The following PTPRD variants were observed in gnomAD, a reference collection of about 807,000 sequenced individuals.
PTPRD encodes receptor-type tyrosine-protein phosphatase delta.
A neutral mutation model predicts 214.5 loss-of-function variants in PTPRD; 34 were observed. The ratio of observed to expected loss-of-function variants is 0.16; its 90% CI spans 0.12 to 0.21. The LOEUF (loss-of-function observed/expected upper bound fraction) is 0.21, where lower values mean the gene tolerates loss of function less well. PTPRD is among the 10% of genes least tolerant of loss of function. The pLI is 1.00. For synonymous variants in PTPRD, 1,128 were observed against 845.7 expected, an observed-to-expected ratio of 1.33 and a Z score of -5.79; for missense variants, 2,545 against 2,398.7, an observed-to-expected ratio of 1.06 and a Z score of -1.27.
intron 35 of PTPRD, among the ~76,000 whole-genome samples, chr9:8,412,898 A>G (rs1414212830): frequency 6.6e-6 from 1 of 152,196 alleles, no homozygotes; most frequent in Admixed American, 6.5e-5. Context: ...ATTTCATATA[A>G]TAGAAACTTG....
At chr9:9,665,747 G>A (rs1184630335) in intron 7 of PTPRD, among the ~76,000 whole-genome samples, 2 of 151,770 alleles carry the variant, frequency 1.3e-5, no homozygotes, top group Non-Finnish European at 2.9e-5. Flanking sequence ...ATGTAAAAGT[G>A]AAGTCTTCAA....
At chr9:9,222,356 T>C (rs1303587894) in intron 9 of PTPRD, among the ~76,000 whole-genome samples, 1 of 152,054 alleles carries the variant, frequency 6.6e-6, no homozygotes, top group Non-Finnish European at 1.5e-5. Context: ...AAAATGGCAT[T>C]ATTTTTGAAA....
chr9:10,315,072 C>G (rs2096385508), intron 3 of PTPRD, among the ~76,000 whole-genome samples: 1 of 151,804 alleles, frequency 6.6e-6, no homozygotes, highest in Non-Finnish European at 1.5e-5. Flanking sequence ...AGAGAAATAG[C>G]AAGTTGACAT....
chr9:9,438,088 T>C (rs1444166881), intron 8 of PTPRD, among the ~76,000 whole-genome samples: 1 of 152,194 alleles, frequency 6.6e-6, no homozygotes, highest in African/African-American at 2.4e-5. Flanking sequence ...CTCTGTATCC[T>C]AATGTCCTCT....
chr9:8,742,890 G>A (rs938099180), intron 11 of PTPRD, among the ~76,000 whole-genome samples: 2 of 152,094 alleles, frequency 1.3e-5, no homozygotes, highest in African/African-American at 4.8e-5. Flanking sequence ...CTCCCTCAGG[G>A]AATGCCTAGA....
intron 14 of PTPRD, among the ~76,000 whole-genome samples, chr9:8,550,430 G>A (rs2081689055): frequency 6.6e-6 from 1 of 152,104 alleles, no homozygotes; most frequent in Non-Finnish European, 1.5e-5. Flanking sequence ...GAGATTAACA[G>A]TAAAATCAAA....
chr9:8,419,590 T>C (rs2094208038), intron 35 of PTPRD, among the ~76,000 whole-genome samples: 1 of 151,892 alleles, frequency 6.6e-6, no homozygotes, highest in African/African-American at 2.4e-5. Flanking sequence ...TCTTAACCAA[T>C]GATTTACAAT....
intron 39 of PTPRD, among the ~76,000 whole-genome samples, chr9:8,350,884 A>G (rs1214084441): frequency 6.6e-6 from 1 of 152,206 alleles, no homozygotes; most frequent in Non-Finnish European, 1.5e-5. Context: ...TATAGTAGTT[A>G]TAGCAGTTTT....
At chr9:8,535,257 C>G (rs1227867281) in intron 14 of PTPRD, among the ~76,000 whole-genome samples, 1 of 151,838 alleles carries the variant, frequency 6.6e-6, no homozygotes, top group Non-Finnish European at 1.5e-5. Flanking sequence ...AAGGCTTGAT[C>G]AAACAAGTAG....
chr9:9,409,868 AC>A (rs2074803918), intron 8 of PTPRD, among the ~76,000 whole-genome samples: 1 of 151,994 alleles, frequency 6.6e-6, no homozygotes, highest in South Asian at 2.1e-4. Flanking sequence ...TTCGGCATAT[AC>A]AATACAGATA....
chr9:9,518,315 A>G (rs1032601649), intron 8 of PTPRD, among the ~76,000 whole-genome samples: 1 of 152,198 alleles, frequency 6.6e-6, no homozygotes, highest in African/African-American at 2.4e-5. Flanking sequence ...TCTTCCTAAT[A>G]TAGAAAATTC....
At chr9:9,252,718 C>A (rs2099976006) in intron 9 of PTPRD, among the ~76,000 whole-genome samples, 1 of 151,956 alleles carries the variant, frequency 6.6e-6, no homozygotes, top group African/African-American at 2.4e-5. Context: ...TGGCTTCAAG[C>A]GATGCAGTCA....
intron 2 of PTPRD, among the ~76,000 whole-genome samples, chr9:10,520,146 G>T (rs1022399008): frequency 1.3e-5 from 2 of 152,140 alleles, no homozygotes; most frequent in African/African-American, 4.8e-5. Flanking sequence ...CAAAAACTAG[G>T]CCTCTTGTGC....
intron 29 of PTPRD, among the ~76,000 whole-genome samples, chr9:8,484,892 C>T (rs888321851): frequency 2.6e-5 from 4 of 152,084 alleles, no homozygotes; most frequent in Non-Finnish European, 5.9e-5. Flanking sequence ...CAGAAACTCC[C>T]AGGGTATTAT....
At position 10,390,016 on chromosome 9, in the gene PTPRD, T is replaced by C. The variant is rs75211809; in HGVS notation, c.-599-48999A>G. ...ATAATTAATGAGCTCAAGATAATTT[T>C]CTGTTTTTTCTTTAGATGACTTTAC... On this transcript the variant is annotated intron_variant, in intron 2 of 45. Coordinates refer to ENST00000381196, the MANE Select transcript of PTPRD (RefSeq NM_002839.4). 5.9e-3 allele frequency among the ~76,000 whole-genome samples: 896 copies of C among 151,954 alleles called. 9 individuals are homozygous for C. Among genetic ancestry groups the C allele is most frequent in the African/African-American group, 0.02 (850 of 41,534 alleles).
chr9:10,077,273 GT>G (rs1430141368), intron 3 of PTPRD, among the ~76,000 whole-genome samples: 1 of 152,022 alleles, frequency 6.6e-6, no homozygotes, highest in East Asian at 1.9e-4. Flanking sequence ...ATCTAAACAT[GT>G]TACTTTTCTG....
chr9:9,600,807 A>G (rs965924867), intron 7 of PTPRD, among the ~76,000 whole-genome samples: 54 of 152,102 alleles, frequency 3.6e-4, no homozygotes. Flanking sequence ...CTTTTGTACT[A>G]AAATGTTACT....
At chr9:10,588,588 A>T (rs927219865) in intron 2 of PTPRD, among the ~76,000 whole-genome samples, 1 of 152,052 alleles carries the variant, frequency 6.6e-6, no homozygotes, top group African/African-American at 2.4e-5. Flanking sequence ...TGAAAGACAT[A>T]TATTGAAAAT....
chr9:9,469,307 G>C (rs1326835189), intron 8 of PTPRD, among the ~76,000 whole-genome samples: 1 of 152,070 alleles, frequency 6.6e-6, no homozygotes, highest in Non-Finnish European at 1.5e-5. Flanking sequence ...TCTTTGGATA[G>C]TTCTCATTTA....
Sources: gnomAD v4.1 joint callset for allele counts (sites outside exome capture counted in the v4.1 genomes callset) on GRCh38, gnomAD v4.1.1 for gene constraint, MANE v1.5 for transcripts, NCBI Gene and HGNC (gene_info 2026-07-23, HGNC 2026-07-21) for gene names.